SGPP2: variants seen among roughly 807,000 people sequenced by gnomAD.
SGPP2 encodes the protein sphingosine 1-phosphate phosphohydrolase 2.
In SGPP2, 30 loss-of-function variants were observed where a neutral mutation model predicts 33.9. The observed-to-expected ratio is 0.89, with a 90% CI of 0.66 to 1.20. The LOEUF (loss-of-function observed/expected upper bound fraction) is 1.20, where lower values mean the gene tolerates loss of function less well. Ranked by LOEUF, SGPP2 falls within the 50% of genes most tolerant of loss-of-function variation. The probability of loss-of-function intolerance (pLI) is 0.00; values close to 1 mark genes in which losing one functional copy is unlikely to be tolerated. For missense variants in SGPP2, 458 were observed against 532.1 expected, an observed-to-expected ratio of 0.86 and a Z score of 1.37; for synonymous variants, 233 against 225.0, an observed-to-expected ratio of 1.04 and a Z score of -0.32.
chr2:222,462,122 T>C (rs1697670874), intron 1 of SGPP2, among the ~76,000 whole-genome samples: 1 of 151,822 alleles, frequency 6.6e-6, no homozygotes, highest in Admixed American at 6.6e-5. Flanking sequence ...TTGCAAAACA[T>C]GGCAGAGAGA....
Position 222,558,703 on chromosome 2 carries a change from C to A in SGPP2, c.1005C>A (p.Ile335=), listed in dbSNP as rs201495798. Reference sequence around the variant, plus strand: ...AATTTGCAGTGGGAATTGTGTTGATCCTCTTGGTTCGTCAGCTTGTACAAA... The same window carrying A: ...AATTTGCAGTGGGAATTGTGTTGATACTCTTGGTTCGTCAGCTTGTACAAA... ...LTKFAVGIVL[I]LLVRQLVQNL... The change falls in exon 5 of 5, where the codon ATC becomes ATA. Residue 335 remains isoleucine (I), a synonymous_variant. Coordinates refer to ENST00000321276, the MANE Select transcript of SGPP2 (RefSeq NM_152386.4). The A allele has an allele frequency of 1.1e-5, 18 of 1,614,144 alleles. No homozygotes were observed. Among genetic ancestry groups the A allele is most frequent in the Non-Finnish European group, 1.5e-5 (18 of 1,180,012 alleles).
intron 4 of SGPP2, among the ~76,000 whole-genome samples, chr2:222,533,936 C>T (rs1252431382): frequency 2.0e-5 from 3 of 152,044 alleles, no homozygotes; most frequent in Non-Finnish European, 2.9e-5. Context: ...TGGAACCAGC[C>T]AGGTCTGGAG....
At chr2:222,521,686 C>A in intron 2 of SGPP2, 81 bp from the exon 3 acceptor site, 1 of 1,494,050 alleles carries the variant, frequency 6.7e-7, no homozygotes, top group South Asian at 1.3e-5. Context: ...ACCTGAGAAC[C>A]CCAAAATATA....
chr2:222,524,989 T>C lies in SGPP2; in HGVS notation c.604T>C (p.Leu202=), dbSNP rs773297457. 3 of 1,614,054 alleles carry C rather than the reference T, an allele frequency of 1.9e-6. No individual in the cohort carries two copies. Among genetic ancestry groups the C allele is most frequent in the Non-Finnish European group, 2.5e-6 (3 of 1,179,954 alleles). ...GLVMAVVFST[L]VCLSRLYTGM... is the part of the protein sequence containing the mutation. ...GGTGATGGCCGTGGTGTTTTCCACCTTGGTGTGTCTCAGCAGGCTCTACAC... is the reference window on the plus strand; with the variant it reads ...GGTGATGGCCGTGGTGTTTTCCACCCTGGTGTGTCTCAGCAGGCTCTACAC... Residue 202 remains leucine (L), a synonymous_variant, in exon 4 of 5, where the codon TTG becomes CTG. Transcript: ENST00000321276.
intron 1 of SGPP2, 27 bp from the exon 2 acceptor site, chr2:222,474,541 C>A (rs758174750): frequency 6.2e-7 from 1 of 1,607,374 alleles, no homozygotes; most frequent in Admixed American, 1.7e-5. Flanking sequence ...CATGAACTCA[C>A]AGAGTCTTCT....
intron 1 of SGPP2, among the ~76,000 whole-genome samples, chr2:222,455,792 G>C (rs1248566115): frequency 6.6e-6 from 1 of 152,178 alleles, no homozygotes; most frequent in African/African-American, 2.4e-5. Flanking sequence ...TAGGTGCAGT[G>C]GTTCATGCCT....
intron 2 of SGPP2, among the ~76,000 whole-genome samples, chr2:222,490,098 G>A (rs1183795441): frequency 6.6e-6 from 1 of 152,142 alleles, no homozygotes; most frequent in Admixed American, 6.5e-5. Flanking sequence ...TCTGTGTCTA[G>A]CCCTTGTGGA....
chr2:222,485,605 C>A (rs1254778277), intron 2 of SGPP2, among the ~76,000 whole-genome samples: 1 of 151,558 alleles, frequency 6.6e-6, no homozygotes, highest in Non-Finnish European at 1.5e-5. Flanking sequence ...AAAGAGCAGG[C>A]CCTTTGTCCC....
chr2:222,469,861 A>C (rs896830129), intron 1 of SGPP2, among the ~76,000 whole-genome samples: 2 of 152,230 alleles, frequency 1.3e-5, no homozygotes, highest in Non-Finnish European at 2.9e-5. Flanking sequence ...CTTAGAACAA[A>C]CCCAAATGCC....
At chr2:222,519,997 G>A (rs1020312650) in intron 2 of SGPP2, among the ~76,000 whole-genome samples, 1 of 152,154 alleles carries the variant, frequency 6.6e-6, no homozygotes, top group African/African-American at 2.4e-5. Context: ...TGTCTTTTTG[G>A]TAGAATGATC....
chr2:222,552,174 T>C (rs1689303856), intron 4 of SGPP2, among the ~76,000 whole-genome samples: 1 of 152,120 alleles, frequency 6.6e-6, no homozygotes, highest in Admixed American at 6.6e-5. Flanking sequence ...TAGACATGAG[T>C]GTGTAAATAT....
At chr2:222,440,012 G>T (rs1336790310) in intron 1 of SGPP2, among the ~76,000 whole-genome samples, 1 of 152,210 alleles carries the variant, frequency 6.6e-6, no homozygotes, top group Non-Finnish European at 1.5e-5. Context: ...AACTGCCTGT[G>T]AATCTATAAT....
chr2:222,462,721 C>T (rs1425372596), intron 1 of SGPP2, among the ~76,000 whole-genome samples: 1 of 152,046 alleles, frequency 6.6e-6, no homozygotes, highest in African/African-American at 2.4e-5. Flanking sequence ...AGAGGATTGT[C>T]TGAGGGGTGG....
chr2:222,552,810 A>G (rs952864196), intron 4 of SGPP2, among the ~76,000 whole-genome samples: 2 of 152,206 alleles, frequency 1.3e-5, no homozygotes, highest in African/African-American at 4.8e-5. Context: ...TGGTGAGCTA[A>G]GATCACACCA....
chr2:222,463,186 C>A (rs947854212), intron 1 of SGPP2, among the ~76,000 whole-genome samples: 1 of 152,194 alleles, frequency 6.6e-6, no homozygotes, highest in East Asian at 1.9e-4. Flanking sequence ...TTAGTCTATT[C>A]CATCCCTGAC....
At chr2:222,542,602 G>A (rs1212206535) in intron 4 of SGPP2, among the ~76,000 whole-genome samples, 1 of 152,118 alleles carries the variant, frequency 6.6e-6, no homozygotes, top group Admixed American at 6.5e-5. Context: ...CCATTCTTGT[G>A]AGTACATCTT....
Position 222,424,737 on chromosome 2 carries a change from C to A in SGPP2, c.135C>A (p.Val45=), listed in dbSNP as rs1481584349. ...ACCCCACGGAGCGCGCGGCGCGGGT[C>A]CCCGGGGTCGAGCATCTCCCCGCAG... ...GADPTERAAR[V]PGVEHLPAAN... The change falls in exon 1 of 5, where the codon GTC becomes GTA. Residue 45 remains valine, a synonymous_variant. Transcript: ENST00000321276. The A allele has an allele frequency of 2.8e-6, 4 of 1,429,050 alleles. No homozygotes were observed. Among genetic ancestry groups the A allele is most frequent in the Non-Finnish European group, 3.7e-6 (4 of 1,093,066 alleles). The allele number at this position is 1,429,050 out of a possible 1,614,324, so 88.5% of individuals were successfully genotyped here.
intron 4 of SGPP2, among the ~76,000 whole-genome samples, chr2:222,553,023 C>A (rs919262113): frequency 2.6e-5 from 4 of 152,172 alleles, no homozygotes; most frequent in Admixed American, 1.3e-4. Flanking sequence ...AGGCTAGGAG[C>A]TTTGTGGAAT....
At chr2:222,556,239 G>A (rs1385831285) in intron 4 of SGPP2, among the ~76,000 whole-genome samples, 1 of 151,672 alleles carries the variant, frequency 6.6e-6, no homozygotes, top group Non-Finnish European at 1.5e-5. Flanking sequence ...CTATATGAAG[G>A]ATTTTTCTCC....
Sources: gnomAD v4.1 joint callset for allele counts (sites outside exome capture counted in the v4.1 genomes callset) on GRCh38, gnomAD v4.1.1 for gene constraint, MANE v1.5 for transcripts, NCBI Gene and HGNC (gene_info 2026-07-23, HGNC 2026-07-21) for gene names.